Variants in ENPP3 observed in about 807,000 individuals in gnomAD.
ENPP3 encodes ectonucleotide pyrophosphatase/phosphodiesterase family member 3.
Under a neutral mutation model 117.8 loss-of-function variants are expected in ENPP3, and 104 were observed. The ratio of observed to expected loss-of-function variants is 0.88; its 90% confidence interval spans 0.75 to 1.04. ENPP3 has a LOEUF of 1.04. ENPP3 is among the 50% of genes least tolerant of loss of function. ENPP3 has a pLI of 0.00. For synonymous variants in ENPP3, 380 were observed against 349.9 expected, an observed-to-expected ratio of 1.09 and a Z score of -0.96; for missense variants, 1,026 against 1,051.9, an observed-to-expected ratio of 0.98 and a Z score of 0.34.
At chr6:131,680,869 A>G (rs1779008600) in intron 11 of ENPP3, among the ~76,000 whole-genome samples, 1 of 152,196 alleles carries the variant, frequency 6.6e-6, no homozygotes, top group African/African-American at 2.4e-5. Context: ...ACTTCATGAC[A>G]GAATCTGGGT....
intron 1 of ENPP3, among the ~76,000 whole-genome samples, chr6:131,640,058 C>A (rs749574948): frequency 5.9e-5 from 9 of 152,018 alleles, no homozygotes; most frequent in Non-Finnish European, 1.3e-4. Context: ...GGAACAAATA[C>A]AAAAATTATG....
rs1292346016 is a variant in ENPP3, at chr6:131,717,361, T to G, written c.1413-1311T>G. Among the ~76,000 whole-genome samples the G allele has an allele frequency of 3.3e-4, 32 of 97,758 alleles. 1 individual carries two copies. The highest frequency in any genetic ancestry group is 7.5e-4 in the African/African-American group (13 of 17,250). 64.1% of individuals were successfully genotyped at this position (97,758 alleles called of 152,430 possible). On this transcript the variant is annotated intron_variant, in intron 15 of 24. Transcript: ENST00000357639. ...AGAAACCCTGCGGGGGGTGTGTGTG[T>G]GTGTGTGTGTGTGTGTGTGTGTGTG... is the stretch of plus-strand genomic sequence containing the variant.
intron 6 of ENPP3, 93 bp downstream of exon 6, chr6:131,658,513 T>C (rs1304524093): frequency 1.4e-6 from 1 of 703,720 alleles, no homozygotes; most frequent in Non-Finnish European, 2.5e-6. Flanking sequence ...CTTTTAACGC[T>C]GGTGGTTTGT....
At chr6:131,684,185 A>G (rs9493050) in intron 12 of ENPP3, among the ~76,000 whole-genome samples, 35,384 of 152,114 alleles carry the variant, frequency 0.23, 5,947 homozygotes, top group African/African-American at 0.46. Flanking sequence ...ATCTGTGAAG[A>G]GACCAGCCAT....
chr6:131,689,386 T>G (rs377498262), intron 14 of ENPP3, among the ~76,000 whole-genome samples: 58 of 152,232 alleles, frequency 3.8e-4, no homozygotes, highest in African/African-American at 1.3e-3. Context: ...ATGTTCATTC[T>G]GAAAATCCTA....
intron 9 of ENPP3, among the ~76,000 whole-genome samples, chr6:131,676,075 G>T (rs1048376438): frequency 4.6e-5 from 7 of 152,004 alleles, no homozygotes; most frequent in African/African-American, 1.7e-4. Context: ...TCTGCTGCAG[G>T]ACATTGCACT....
chr6:131,640,269 ACT>A (rs1283694494), intron 1 of ENPP3, among the ~76,000 whole-genome samples: 1 of 152,068 alleles, frequency 6.6e-6, no homozygotes, highest in Non-Finnish European at 1.5e-5. Context: ...CTTTGTAGTC[ACT>A]CTAGTTTCAG....
At chr6:131,712,489 G>A (rs1328372719) in intron 15 of ENPP3, among the ~76,000 whole-genome samples, 1 of 136,200 alleles carries the variant, frequency 7.3e-6, no homozygotes, top group Admixed American at 7.2e-5. Flanking sequence ...GAGTTTCTCA[G>A]TTGTTTGCCA....
intron 15 of ENPP3, among the ~76,000 whole-genome samples, chr6:131,695,060 A>G (rs1282469319): frequency 6.6e-6 from 1 of 151,836 alleles, no homozygotes; most frequent in East Asian, 1.9e-4. Context: ...TTGGGATCGA[A>G]GTTTATTAGC....
At chr6:131,715,947 G>T (rs1242333708) in intron 15 of ENPP3, among the ~76,000 whole-genome samples, 1 of 152,168 alleles carries the variant, frequency 6.6e-6, no homozygotes, top group Non-Finnish European at 1.5e-5. Context: ...GGTAACCCAG[G>T]CTGCCAGCCC....
chr6:131,717,347 GGGGGGT>G (rs1562470171), intron 15 of ENPP3, among the ~76,000 whole-genome samples: 3 of 119,200 alleles, frequency 2.5e-5, no homozygotes, highest in Non-Finnish European at 1.8e-5. Flanking sequence ...GAAACCCTGC[GGGGGGT>G]GTGTGTGTGT....
chr6:131,722,838 G>A (rs892657302), intron 18 of ENPP3, among the ~76,000 whole-genome samples: 5 of 152,140 alleles, frequency 3.3e-5, no homozygotes, highest in African/African-American at 1.2e-4. Flanking sequence ...GGTGCTGCGG[G>A]GTGTTCCTTT....
At chr6:131,678,708 T>A (rs1407434793) in intron 11 of ENPP3, among the ~76,000 whole-genome samples, 1 of 152,208 alleles carries the variant, frequency 6.6e-6, no homozygotes, top group Non-Finnish European at 1.5e-5. Flanking sequence ...AAGCTTTTTT[T>A]AAATTCCTTC....
intron 14 of ENPP3, among the ~76,000 whole-genome samples, chr6:131,688,341 T>G (rs2114435436): frequency 6.6e-6 from 1 of 152,348 alleles, no homozygotes; most frequent in Middle Eastern, 3.4e-3. Flanking sequence ...CTACAATGGC[T>G]TCTAAATGTT....
chr6:131,740,217 T>C lies in ENPP3; in HGVS notation c.2301-7T>C. ...CATCAAAACATGTTTTCAATTATGT[T>C]TGTAAGACATTTAGCCAACACTGAT... On this transcript the variant is annotated splice_polypyrimidine_tract_variant and splice_region_variant and intron_variant, in intron 23 of 24. Transcript: ENST00000357639. 2 of 1,569,904 alleles carry C rather than the reference T, an allele frequency of 1.3e-6. No individual in the cohort carries two copies. Among genetic ancestry groups the C allele is most frequent in the Non-Finnish European group, 1.7e-6 (2 of 1,156,946 alleles).
At chr6:131,693,904 G>A (rs769061311) in intron 15 of ENPP3, among the ~76,000 whole-genome samples, 2 of 152,128 alleles carry the variant, frequency 1.3e-5, no homozygotes, top group Non-Finnish European at 2.9e-5. Flanking sequence ...CCCCCACTAT[G>A]CTGTCCATTA....
At chr6:131,682,628 C>T (rs1229877470) in intron 11 of ENPP3, among the ~76,000 whole-genome samples, 2 of 152,184 alleles carry the variant, frequency 1.3e-5, no homozygotes, top group Admixed American at 1.3e-4. Flanking sequence ...GAAGTAGAAT[C>T]GTTGAGTTGC....
intron 6 of ENPP3, among the ~76,000 whole-genome samples, chr6:131,664,123 A>C (rs1241994507): frequency 6.6e-6 from 1 of 152,158 alleles, no homozygotes; most frequent in African/African-American, 2.4e-5. Flanking sequence ...GTTTTTCAGG[A>C]GGTATTTCAG....
intron 2 of ENPP3, among the ~76,000 whole-genome samples, chr6:131,645,929 G>T (rs1778144283): frequency 6.6e-6 from 1 of 151,966 alleles, no homozygotes; most frequent in Non-Finnish European, 1.5e-5. Flanking sequence ...CTTCAATTCT[G>T]GGAAATTTTA....
Sources: gnomAD v4.1 joint callset for allele counts (sites outside exome capture counted in the v4.1 genomes callset) on GRCh38, gnomAD v4.1.1 for gene constraint, MANE v1.5 for transcripts, NCBI Gene and HGNC (gene_info 2026-07-23, HGNC 2026-07-21) for gene names.